KDM1B: variants seen among roughly 807,000 people sequenced by gnomAD.
KDM1B encodes lysine-specific histone demethylase 2.
Under a neutral mutation model 107.4 loss-of-function variants are expected in KDM1B, and 63 were observed. That is an observed-to-expected ratio of 0.59 (90% CI 0.48 to 0.72). KDM1B has a LOEUF of 0.72. Ranked by LOEUF, KDM1B falls within the 30% of genes least tolerant of loss-of-function variation. The pLI, the probability that KDM1B is intolerant of heterozygous loss-of-function variation, is 0.00. For synonymous variants in KDM1B, 363 were observed against 363.9 expected (o/e 1.00, Z 0.03); for missense variants, 749 against 1,020.8 (o/e 0.73, Z 3.63).
chr6:18,192,107 A>T (rs9465112), intron 10 of KDM1B, among the ~76,000 whole-genome samples: 6,564 of 152,048 alleles, frequency 0.043, 471 homozygotes, highest in African/African-American at 0.15. Flanking sequence ...ACAAAAAATT[A>T]AAAAATTAGC....
At position 18,172,935 on chromosome 6, in the gene KDM1B, T is replaced by TA. The variant is rs754145690; in HGVS notation, c.534+1461dup. On this transcript the variant is annotated intron_variant, in intron 7 of 21. Transcript: ENST00000650836. The surrounding 1 kb of genome is among the most constrained non-coding windows in gnomAD (Gnocchi z 5.2). ...TGAAACCCTGTCTCTAGTAAAAATA[T>TA]AAAAATTAGCCCAGTGTGGTGGCAT... 5.9e-5 allele frequency among the ~76,000 whole-genome samples: 9 copies of TA among 151,738 alleles called. No homozygotes were observed. The highest frequency in any genetic ancestry group is 1.9e-4 in the East Asian group (1 of 5,142).
chr6:18,219,151 C>G (rs1789477745), intron 21 of KDM1B, among the ~76,000 whole-genome samples: 1 of 152,182 alleles, frequency 6.6e-6, no homozygotes, highest in South Asian at 2.1e-4. Flanking sequence ...ATCTGCCTGC[C>G]TCAGCCTCCC....
intron 10 of KDM1B, among the ~76,000 whole-genome samples, chr6:18,192,013 C>A (rs1787309942): frequency 6.6e-6 from 1 of 152,116 alleles, no homozygotes; most frequent in Non-Finnish European, 1.5e-5. Flanking sequence ...AATTCCAGCA[C>A]TTTGGGAGGC....
chr6:18,186,173 A>G lies in KDM1B; in HGVS notation c.573+363A>G, dbSNP rs1786838428. Among the ~76,000 whole-genome samples the G allele has an allele frequency of 2.0e-5, 3 of 152,156 alleles. No individual in the cohort carries two copies. The highest frequency in any genetic ancestry group is 2.1e-4 in the South Asian group (1 of 4,824). Reference sequence around the variant, plus strand: ...CTAAGAAAAGCACAAGAGGGCCACAATTTGATCGTCTTGGCCTGGATTCAG... The same window carrying G: ...CTAAGAAAAGCACAAGAGGGCCACAGTTTGATCGTCTTGGCCTGGATTCAG... On this transcript the variant is annotated intron_variant, in intron 8 of 21. Transcript: ENST00000650836. The surrounding 1 kb of genome is among the most constrained non-coding windows in gnomAD (Gnocchi z 5.6).
rs541696447 is a variant in KDM1B, at chr6:18,218,401, G to A, written c.2385+516G>A. On this transcript the variant is annotated intron_variant, in intron 21 of 21. Transcript: ENST00000650836. Reference sequence around the variant, plus strand: ...GCCTCCCAGAGTGTTAGGATTACAGGTGTGAGCCACCATGCCCAGCCTATG... The same window carrying A: ...GCCTCCCAGAGTGTTAGGATTACAGATGTGAGCCACCATGCCCAGCCTATG... Among the ~76,000 whole-genome samples, 112 of 152,206 alleles carry A rather than the reference G, an allele frequency of 7.4e-4. 3 individuals carry two copies. In the Middle Eastern group the frequency reaches 0.014, roughly 18 times the overall value.
chr6:18,212,281 A>C lies in KDM1B; in HGVS notation c.1867-207A>C, dbSNP rs529447631. 5.1e-6 allele frequency: 3 copies of C among 591,104 alleles called. No homozygotes were observed. In the East Asian group the frequency reaches 8.5e-5, roughly 17 times the overall value. 36.6% of individuals were successfully genotyped at this position (591,104 alleles called of 1,614,324 possible). ...TTCTTATCTAAGATGATTATTCACC[A>C]TCAGGACGTTTTTTGCCCACTCTTC... On this transcript the variant is annotated intron_variant, in intron 17 of 21. Transcript: ENST00000650836. This position sits in a 1 kb window ranked among gnomAD's most constrained non-coding sequence, Gnocchi z 5.2.
chr6:18,207,519 T>C lies in KDM1B; in HGVS notation c.1781T>C (p.Leu594Pro), dbSNP rs771827154. Residue 594 changes from leucine to proline, a missense_variant, in exon 16 of 22, where the codon CTC becomes CCC. Leu to Pro is a moderately conservative substitution (Grantham distance 98). Transcript: ENST00000650836. The part of the protein sequence containing the change: ...EKLAEGLDIQ[L>P]KSPVQCIDYS... ...CTGGCAGAAGGGCTTGACATTCAAC[T>C]CAAATCTCCAGTGAGTATCAACTGC... 26 of 1,614,112 alleles carry C rather than the reference T, an allele frequency of 1.6e-5. No individual in the cohort carries two copies. The highest frequency in any genetic ancestry group is 1.9e-5 in the Non-Finnish European group (22 of 1,180,040).
Position 18,212,648 on chromosome 6 carries a change from C to T in KDM1B, c.1983+44C>T. 3 of 1,207,514 alleles carry T rather than the reference C, an allele frequency of 2.5e-6. No homozygotes were observed. Among genetic ancestry groups the T allele is most frequent in the Admixed American group, 1.7e-5 (1 of 59,448 alleles). The allele number at this position is 1,207,514 out of a possible 1,614,324, so 74.8% of individuals were successfully genotyped here. On this transcript the variant is annotated intron_variant, in intron 18 of 21. Coordinates refer to ENST00000650836, the MANE Select transcript of KDM1B (RefSeq NM_001364614.2). The surrounding 1 kb of genome is among the most constrained non-coding windows in gnomAD (Gnocchi z 5.2). ...TCCTCAGCAAGAAAGAGATTAATGT[C>T]AGATGATAGATGTTAACTTCTGATA...
At chr6:18,184,608 G>T (rs551026493) in intron 7 of KDM1B, among the ~76,000 whole-genome samples, 1 of 151,990 alleles carries the variant, frequency 6.6e-6, no homozygotes, top group Non-Finnish European at 1.5e-5. Context: ...ATTGTGAGAT[G>T]TGTCCATGTT....
chr6:18,217,768 G>T lies in KDM1B; in HGVS notation c.2268G>T (p.Arg756=). The T allele has an allele frequency of 6.2e-7, 1 of 1,613,822 alleles. No individual in the cohort carries two copies. The highest frequency in any genetic ancestry group is 1.1e-5 in the South Asian group (1 of 91,052). Residue 756 remains arginine, a synonymous_variant, in exon 21 of 22, where the codon CGG becomes CGT. Transcript: ENST00000650836. The part of the protein sequence containing the change: ...VPDPTKYFVT[R]WSTDPWIQMA... ...ATCCCACAAAGTATTTTGTCACTCGGTGGAGCACAGACCCATGGATCCAGA... is the reference window on the plus strand; with the variant it reads ...ATCCCACAAAGTATTTTGTCACTCGTTGGAGCACAGACCCATGGATCCAGA...
intron 20 of KDM1B, among the ~76,000 whole-genome samples, chr6:18,217,096 C>T (rs538960991): frequency 6.6e-6 from 1 of 152,140 alleles, no homozygotes; most frequent in Non-Finnish European, 1.5e-5. Flanking sequence ...TTTCTGCTAC[C>T]ACACGATGGA....
intron 7 of KDM1B, among the ~76,000 whole-genome samples, chr6:18,181,671 A>C (rs1396548821): frequency 1.3e-5 from 2 of 152,158 alleles, no homozygotes; most frequent in South Asian, 2.1e-4. Flanking sequence ...TCTTGAGCCC[A>C]TGAGGTCAAG....
chr6:18,221,859 A>G, intron 21 of KDM1B, 50 bp from the exon 22 acceptor site: 2 of 1,385,104 alleles, frequency 1.4e-6, no homozygotes, highest in Non-Finnish European at 2.0e-6. Context: ...ACCTTTTGAT[A>G]TCAACTCAAC....
At chr6:18,180,042 T>A (rs1380981948) in intron 7 of KDM1B, among the ~76,000 whole-genome samples, 7 of 150,584 alleles carry the variant, frequency 4.6e-5, no homozygotes, top group African/African-American at 1.7e-4. Context: ...TTTTGTATTT[T>A]TTTTTTTTTT....
In KDM1B at chr6:18,191,124, G is replaced by T; in HGVS notation, c.785-73G>T. 8.6e-6 allele frequency: 12 copies of T among 1,401,944 alleles called. No individual in the cohort carries two copies. In the Admixed American group the frequency reaches 8.9e-5, roughly 10 times the overall value. 86.8% of individuals were successfully genotyped at this position (1,401,944 alleles called of 1,614,324 possible). On this transcript the variant is annotated intron_variant, in intron 9 of 21. Coordinates refer to ENST00000650836, the MANE Select transcript of KDM1B (RefSeq NM_001364614.2). The surrounding 1 kb of genome is among the most constrained non-coding windows in gnomAD (Gnocchi z 5.1). ...CTTGTCTAGGCTTACTTTTTGGTTT[G>T]CTTTTGCCCTTTAATTCTTCTGGAT...
At position 18,205,266 on chromosome 6, in the gene KDM1B, A is replaced by C. The variant is rs1788294862; in HGVS notation, c.1532-271A>C. ...CGAAGCGAAATTGAGACGTTTCTGAAGATATAGAACTTACATAGCTTTGTT... is the reference window on the plus strand; with the variant it reads ...CGAAGCGAAATTGAGACGTTTCTGACGATATAGAACTTACATAGCTTTGTT... On this transcript the variant is annotated intron_variant, in intron 14 of 21. Transcript: ENST00000650836. This position sits in a 1 kb window ranked among gnomAD's most constrained non-coding sequence, Gnocchi z 5.7. Among the ~76,000 whole-genome samples the C allele has an allele frequency of 6.6e-6, 1 of 152,176 alleles. No individual in the cohort carries two copies. The highest frequency in any genetic ancestry group is 6.5e-5 in the Admixed American group (1 of 15,270).
In KDM1B at chr6:18,159,824, C is replaced by T; in HGVS notation, c.-13-59C>T. 1 of 879,896 alleles carries T rather than the reference C, an allele frequency of 1.1e-6. No individual in the cohort carries two copies. The allele number at this position is 879,896 out of a possible 1,614,324, so 54.5% of individuals were successfully genotyped here. A position where few individuals can be genotyped will look rare whatever the true frequency, so the allele number is the denominator to read the frequency against. ...TACCAAAGTGTATAATAACTTGCTC[C>T]AGACTGTTAAAAATATTTGCAGATG... On this transcript the variant is annotated intron_variant, in intron 2 of 21. Transcript: ENST00000650836. This position sits in a 1 kb window ranked among gnomAD's most constrained non-coding sequence, Gnocchi z 4.5.
At chr6:18,215,208 C>A (rs1053628626) in intron 20 of KDM1B, 79 bp downstream of exon 20, 2 of 1,478,660 alleles carry the variant, frequency 1.4e-6, no homozygotes, top group Non-Finnish European at 1.8e-6. Flanking sequence ...AAGCAGCCAG[C>A]GTCACTGAGA....
intron 6 of KDM1B, among the ~76,000 whole-genome samples, chr6:18,167,019 TA>T (rs1261979303): frequency 6.6e-6 from 1 of 152,128 alleles, no homozygotes; most frequent in Non-Finnish European, 1.5e-5. Context: ...TGATTAGGTT[TA>T]AAATCAGGCT....
Sources: allele counts gnomAD v4.1 joint callset (sites outside exome capture counted in the v4.1 genomes callset), GRCh38; gene constraint gnomAD v4.1.1; non-coding constraint Gnocchi (gnomAD v3.1); transcripts MANE v1.5; gene names NCBI Gene and HGNC (gene_info 2026-07-23, HGNC 2026-07-21).